STK32B: variants seen among roughly 807,000 people sequenced by gnomAD.
The protein encoded by STK32B is serine/threonine-protein kinase 32B.
Under a neutral mutation model 52.6 loss-of-function variants are expected in STK32B, and 43 were observed. The ratio of observed to expected loss-of-function variants is 0.82; its 90% CI spans 0.64 to 1.05. The LOEUF (loss-of-function observed/expected upper bound fraction) is 1.05, where lower values mean the gene tolerates loss of function less well. STK32B is among the 50% of genes least tolerant of loss of function. STK32B has a pLI of 0.00. For missense variants in STK32B, 621 were observed against 534.6 expected (o/e 1.16, Z -1.59); for synonymous variants, 238 against 204.3 (o/e 1.17, Z -1.41).
intron 3 of STK32B, among the ~76,000 whole-genome samples, chr4:5,172,230 G>A (rs1481193009): frequency 6.6e-6 from 1 of 152,110 alleles, no homozygotes; most frequent in Non-Finnish European, 1.5e-5. Context: ...GGGTTTTCTA[G>A]ATATACAATC....
intron 3 of STK32B, among the ~76,000 whole-genome samples, chr4:5,220,275 A>G (rs1385501160): frequency 6.6e-6 from 1 of 152,216 alleles, no homozygotes; most frequent in Admixed American, 6.5e-5. Flanking sequence ...GCCAGGCACG[A>G]TGATACATAC....
At chr4:5,060,700 G>T (rs1742185646) in intron 1 of STK32B, among the ~76,000 whole-genome samples, 1 of 151,868 alleles carries the variant, frequency 6.6e-6, no homozygotes, top group African/African-American at 2.4e-5. Flanking sequence ...TGCATGCTTT[G>T]TAGTGACAAA....
At chr4:5,113,485 A>T (rs1714521059) in intron 1 of STK32B, among the ~76,000 whole-genome samples, 1 of 152,238 alleles carries the variant, frequency 6.6e-6, no homozygotes, top group South Asian at 2.1e-4. Flanking sequence ...TGGGTAAAGA[A>T]TAAGTACTTC....
intron 6 of STK32B, among the ~76,000 whole-genome samples, chr4:5,419,280 T>C (rs1435669460): frequency 6.6e-6 from 1 of 152,228 alleles, no homozygotes; most frequent in Admixed American, 6.5e-5. Flanking sequence ...GCTATCCAGG[T>C]TTCCTGGCTT....
At chr4:5,429,997 G>A (rs908670958) in intron 6 of STK32B, among the ~76,000 whole-genome samples, 1 of 151,810 alleles carries the variant, frequency 6.6e-6, no homozygotes, top group African/African-American at 2.4e-5. Context: ...TCCTTCAGCT[G>A]ACTCCAAGAT....
At chr4:5,331,728 C>T (rs970625433) in intron 4 of STK32B, among the ~76,000 whole-genome samples, 2 of 152,060 alleles carry the variant, frequency 1.3e-5, no homozygotes, top group Admixed American at 6.6e-5. Flanking sequence ...TACTAGTGAG[C>T]TGGGAGTGTG....
At chr4:5,442,744 G>A (rs959224542) in intron 6 of STK32B, among the ~76,000 whole-genome samples, 275 of 152,244 alleles carry the variant, frequency 1.8e-3, no homozygotes, top group African/African-American at 4.9e-3. Context: ...GGCTGGTACC[G>A]GTTGTTCCTT....
In STK32B at chr4:5,206,794, C is replaced by T. The variant is rs564523949; in HGVS notation, c.260+38344C>T. 2.0e-5 allele frequency among the ~76,000 whole-genome samples: 3 copies of T among 152,264 alleles called. No homozygotes were observed. In the East Asian group the frequency reaches 5.8e-4, roughly 29 times the overall value. On this transcript the variant is annotated intron_variant, in intron 3 of 11. Coordinates refer to ENST00000282908, the MANE Select transcript of STK32B (RefSeq NM_018401.3). ...AGACACATCCAAGAAGGAGCCTGCC[C>T]CGGGGTCTGGGAGAGAACAAGTTCA...
intron 4 of STK32B, among the ~76,000 whole-genome samples, chr4:5,336,299 TC>T (rs1732691532): frequency 6.6e-6 from 1 of 151,836 alleles, no homozygotes; most frequent in Non-Finnish European, 1.5e-5. Context: ...TCAAAGGTTT[TC>T]CAGGACACCT....
At position 5,466,752 on chromosome 4, in the gene STK32B, T is replaced by C. The variant is rs1717469156; in HGVS notation, c.959T>C (p.Leu320Pro). Residue 320 changes from leucine to proline, a missense_variant, in exon 10 of 12, where the codon CTA (leucine) becomes CCA (proline). Physicochemically the swap from Leu to Pro is moderately conservative, Grantham distance 98. Transcript: ENST00000282908. ...ACATTTGAGCTTGAAGAGATGATTCTAGAATCCAAGCCACTTCACAAAAAG... is the reference window on the plus strand; with the variant it reads ...ACATTTGAGCTTGAAGAGATGATTCCAGAATCCAAGCCACTTCACAAAAAG... ...DPTFELEEMI[L>P]ESKPLHKKKK... The C allele has an allele frequency of 6.2e-7, 1 of 1,614,004 alleles. No individual in the cohort carries two copies. Among genetic ancestry groups the C allele is most frequent in the Non-Finnish European group, 8.5e-7 (1 of 1,179,952 alleles).
At chr4:5,257,017 A>T (rs1033118133) in intron 3 of STK32B, among the ~76,000 whole-genome samples, 4 of 152,076 alleles carry the variant, frequency 2.6e-5, no homozygotes, top group Non-Finnish European at 5.9e-5. Flanking sequence ...GTGGATGAAT[A>T]AGTGAATGAG....
chr4:5,262,365 A>G (rs567000969), intron 3 of STK32B, among the ~76,000 whole-genome samples: 184 of 152,026 alleles, frequency 1.2e-3, no homozygotes, highest in African/African-American at 4.2e-3. Context: ...AGTGGCTCAC[A>G]CCTGTAATCC....
intron 1 of STK32B, among the ~76,000 whole-genome samples, chr4:5,097,302 C>T (rs1402371080): frequency 6.6e-6 from 1 of 152,144 alleles, no homozygotes; most frequent in Non-Finnish European, 1.5e-5. Context: ...AATGCATATA[C>T]CTTGAAAATG....
In STK32B at chr4:5,456,884, C is replaced by T. The variant is rs1577535840; in HGVS notation, c.744C>T (p.Ser248=). The T allele has an allele frequency of 1.9e-6, 3 of 1,593,612 alleles. No individual in the cohort carries two copies. Among genetic ancestry groups the T allele is most frequent in the African/African-American group, 2.7e-5 (2 of 74,614 alleles). The change falls in exon 8 of 12, where the codon TCC becomes TCT. Residue 248 remains serine (S), a synonymous_variant. Coordinates refer to ENST00000282908, the MANE Select transcript of STK32B (RefSeq NM_018401.3). ...TCAAGGTGGAGCGTGTCCACTACTC[C>T]TCCACGTGGTGCAAGGGGATGGTGG... ...NMFKVERVHY[S]STWCKGMVAL...
chr4:5,371,904 G>A (rs113159273), intron 4 of STK32B, among the ~76,000 whole-genome samples: 1 of 152,166 alleles, frequency 6.6e-6, no homozygotes, highest in Non-Finnish European at 1.5e-5. Flanking sequence ...TCATTTCCCA[G>A]GTGGTGGCAA....
Position 5,295,799 on chromosome 4 carries a change from TGTC to T in STK32B, c.261-35420_261-35418del, listed in dbSNP as rs1246533896. Among the ~76,000 whole-genome samples the T allele has an allele frequency of 2.0e-5, 3 of 152,324 alleles. No individual in the cohort carries two copies. The East Asian group carries it at 5.8e-4, about 29-fold the overall frequency. On this transcript the variant is annotated intron_variant, in intron 3 of 11. Coordinates refer to ENST00000282908, the MANE Select transcript of STK32B (RefSeq NM_018401.3). Reference sequence around the variant, plus strand: ...TTCTGCTCTGATCTTAGTTATTTCTTGTCTTCTACTAGCTTTTGAATTTGTTTG... The same window carrying T: ...TTCTGCTCTGATCTTAGTTATTTCTTTTCTACTAGCTTTTGAATTTGTTTG...
the STK32B span, among the ~76,000 whole-genome samples, chr4:5,029,554 G>A: frequency 3.3e-5 from 5 of 152,116 alleles, no homozygotes; most frequent in African/African-American, 1.2e-4. Flanking sequence ...TGTAAGCAAT[G>A]GGGCTCTGTT....
the STK32B span, among the ~76,000 whole-genome samples, chr4:5,020,888 CG>C: frequency 6.6e-6 from 1 of 152,154 alleles, no homozygotes; most frequent in Non-Finnish European, 1.5e-5. Flanking sequence ...CTGAGGGCCT[CG>C]GGGGATGTGA....
intron 3 of STK32B, among the ~76,000 whole-genome samples, chr4:5,190,815 C>G (rs113691678): frequency 6.6e-6 from 1 of 152,008 alleles, no homozygotes; most frequent in Admixed American, 6.6e-5. Flanking sequence ...ATTGGACACT[C>G]GGAGCAGGTC....
Sources: allele counts gnomAD v4.1 joint callset (sites outside exome capture counted in the v4.1 genomes callset), GRCh38; gene constraint gnomAD v4.1.1; transcripts MANE v1.5; gene names NCBI Gene and HGNC (gene_info 2026-07-23, HGNC 2026-07-21).